Variants in ARID1B observed in about 807,000 individuals in gnomAD.
ARID1B encodes AT-rich interaction domain 1B.
A neutral mutation model predicts 212.3 loss-of-function variants in ARID1B; 30 were observed. That is an observed-to-expected ratio of 0.14 (90% CI 0.11 to 0.19). The LOEUF is 0.19. Among genes scored for constraint, ARID1B ranks in the 10% least tolerant of loss-of-function variants. ARID1B has a pLI of 1.00. For synonymous variants in ARID1B, 1,402 were observed against 1,301.7 expected, an observed-to-expected ratio of 1.08 and a Z score of -1.66; for missense variants, 2,891 against 3,204.0, an observed-to-expected ratio of 0.90 and a Z score of 2.36.
intron 4 of ARID1B, chr6:156,940,386 A>G (rs1792576960): frequency 6.6e-6 from 1 of 152,262 alleles, no homozygotes; most frequent in African/African-American, 2.4e-5. Context: ...TGTGTTGAAT[A>G]GTGCTTATGG....
intron 4 of ARID1B, among the ~76,000 whole-genome samples, chr6:156,991,559 A>G (rs1027449413): frequency 1.3e-5 from 2 of 152,164 alleles, no homozygotes; most frequent in African/African-American, 4.8e-5. Flanking sequence ...AGGATTGTCT[A>G]TGTTATTGTA....
chr6:157,132,340 G>A (rs567769650), intron 6 of ARID1B, among the ~76,000 whole-genome samples: 2 of 152,302 alleles, frequency 1.3e-5, no homozygotes, highest in African/African-American at 2.4e-5. Flanking sequence ...CAGTTACAGA[G>A]GTAGATAAGT....
Position 156,796,769 on chromosome 6 carries a change from C to T in ARID1B, c.1791+17298C>T, listed in dbSNP as rs962355062. 3.3e-5 allele frequency among the ~76,000 whole-genome samples: 5 copies of T among 152,140 alleles called. No homozygotes were observed. The South Asian group carries it at 8.3e-4, about 25-fold the overall frequency. On this transcript the variant is annotated intron_variant, in intron 1 of 19. Transcript: ENST00000636930. Reference sequence around the variant, plus strand: ...GAGAAGTTCGTCATGCAGCTGTGGGCGCAGGCTAGTGTGTGGGGCTGGGGG... The same window carrying T: ...GAGAAGTTCGTCATGCAGCTGTGGGTGCAGGCTAGTGTGTGGGGCTGGGGG...
intron 3 of ARID1B, among the ~76,000 whole-genome samples, chr6:156,921,650 C>G (rs1052105688): frequency 6.6e-5 from 10 of 152,098 alleles, no homozygotes; most frequent in Non-Finnish European, 1.2e-4. Flanking sequence ...AGTCTGTACT[C>G]TTAGAGTGGG....
chr6:156,802,081 C>G (rs146112288), intron 1 of ARID1B, among the ~76,000 whole-genome samples: 4 of 152,196 alleles, frequency 2.6e-5, no homozygotes, highest in Non-Finnish European at 4.4e-5. Context: ...AATGTGTAAA[C>G]GGCACCTTTC....
intron 2 of ARID1B, among the ~76,000 whole-genome samples, chr6:156,897,215 G>GCTTCTTCTTCTTCTTCTT (rs1297724982): frequency 2.6e-4 from 20 of 76,126 alleles, no homozygotes; most frequent in South Asian, 1.5e-3. Context: ...TGCTGCTGCT[G>GCTTCTTCTTCTTCTTCTT]CTGCTTCTTC....
intron 6 of ARID1B, among the ~76,000 whole-genome samples, chr6:157,124,595 G>GT (rs961577548): frequency 3.9e-5 from 6 of 152,148 alleles, no homozygotes; most frequent in African/African-American, 1.4e-4. Flanking sequence ...ACACCATCTT[G>GT]TTTTTTAAGC....
At chr6:157,161,421 T>TTGTGTGTGTGTGTGTG (rs527696446) in intron 8 of ARID1B, among the ~76,000 whole-genome samples, 29 of 135,816 alleles carry the variant, frequency 2.1e-4, no homozygotes, top group African/African-American at 8.2e-4. Context: ...TCTGTTTTGA[T>TTGTGTGTGTGTGTGTG]TGTGTGTGTG....
intron 4 of ARID1B, among the ~76,000 whole-genome samples, chr6:156,961,581 A>G (rs1353963781): frequency 5.9e-5 from 9 of 151,882 alleles, no homozygotes; most frequent in East Asian, 1.9e-4. Context: ...TCTCCACTCA[A>G]GTGTCTTCTT....
At chr6:157,098,871 A>C (rs1391601781) in intron 5 of ARID1B, among the ~76,000 whole-genome samples, 2 of 152,286 alleles carry the variant, frequency 1.3e-5, no homozygotes, top group African/African-American at 4.8e-5. Context: ...ATATTCCCAC[A>C]CCTTTCAGGC....
intron 1 of ARID1B, among the ~76,000 whole-genome samples, chr6:156,785,976 A>G (rs1306947600): frequency 6.6e-6 from 1 of 152,166 alleles, no homozygotes; most frequent in Admixed American, 6.5e-5. Flanking sequence ...ATGTTATTAA[A>G]ATTTTGAAAA....
At chr6:156,914,161 C>T (rs1194449704) in intron 3 of ARID1B, among the ~76,000 whole-genome samples, 25 of 150,644 alleles carry the variant, frequency 1.7e-4, no homozygotes, top group African/African-American at 6.1e-4. Flanking sequence ...GCCACCCCAG[C>T]CTGTGGTGCC....
At chr6:156,944,963 C>T (rs1395120456) in intron 4 of ARID1B, among the ~76,000 whole-genome samples, 1 of 148,912 alleles carries the variant, frequency 6.7e-6, no homozygotes, top group African/African-American at 2.5e-5. Flanking sequence ...CGCTGTGTCG[C>T]CCAGGCTGGA....
At chr6:156,996,883 A>G (rs533698877) in intron 4 of ARID1B, among the ~76,000 whole-genome samples, 77 of 152,314 alleles carry the variant, frequency 5.1e-4, no homozygotes, top group Non-Finnish European at 8.4e-4. Flanking sequence ...TGAATTGTTC[A>G]TGTTAGTAGA....
At chr6:156,868,978 T>G (rs1263998580) in intron 2 of ARID1B, among the ~76,000 whole-genome samples, 1 of 152,196 alleles carries the variant, frequency 6.6e-6, no homozygotes, top group Non-Finnish European at 1.5e-5. Context: ...GGTATGTAAT[T>G]TTAAGTGAGT....
chr6:156,996,403 A>G (rs1463381348), intron 4 of ARID1B, among the ~76,000 whole-genome samples: 1 of 152,168 alleles, frequency 6.6e-6, no homozygotes, highest in East Asian at 1.9e-4. Context: ...TCAACAACCT[A>G]CCACCTTCAT....
Position 156,778,869 on chromosome 6 carries a change from G to A in ARID1B, c.1189G>A (p.Gly397Ser). Residue 397 changes from glycine to serine, a missense_variant, in exon 1 of 20, where the codon GGC (glycine) becomes AGC (serine). Transcript: ENST00000636930. ...CGCGGGCGGCGGCGGCGGCGGCGGC[G>A]GCGGAGGAGGAGGAGGCAGCGGAGG... ...PGAGGGGGGG[G>S]GGGGGSGGGG... The A allele has an allele frequency of 7.2e-7, 1 of 1,392,656 alleles. No homozygotes were observed. Among genetic ancestry groups the A allele is most frequent in the South Asian group, 1.6e-5 (1 of 63,092 alleles). The allele number at this position is 1,392,656 out of a possible 1,614,324, so 86.3% of individuals were successfully genotyped here. A position where few individuals can be genotyped will look rare whatever the true frequency, so the allele number is the denominator to read the frequency against.
chr6:157,028,135 C>T (rs1192296040), intron 4 of ARID1B, among the ~76,000 whole-genome samples: 1 of 142,386 alleles, frequency 7.0e-6, no homozygotes, highest in Non-Finnish European at 1.5e-5. Flanking sequence ...GAATTATGAC[C>T]AAATTATATC....
chr6:157,190,903 G>C lies in ARID1B; in HGVS notation c.4231+693G>C, dbSNP rs1793315966. ...CGGGAGGGAAGGGCCCTGAGGACCTGTCATGGGGGTGGTGGTGGGAATGAG... is the reference window on the plus strand; with the variant it reads ...CGGGAGGGAAGGGCCCTGAGGACCTCTCATGGGGGTGGTGGTGGGAATGAG... On this transcript the variant is annotated intron_variant, in intron 15 of 19. Coordinates refer to ENST00000636930, the MANE Select transcript of ARID1B (RefSeq NM_001374828.1). The surrounding 1 kb of genome is among the most constrained non-coding windows in gnomAD (Gnocchi z 4.6). 6.6e-6 allele frequency among the ~76,000 whole-genome samples: 1 copy of C among 150,560 alleles called. No homozygotes were observed. Among genetic ancestry groups the C allele is most frequent in the Non-Finnish European group, 1.5e-5 (1 of 67,662 alleles).
Sources: allele counts gnomAD v4.1 joint callset (sites outside exome capture counted in the v4.1 genomes callset), GRCh38; gene constraint gnomAD v4.1.1; non-coding constraint Gnocchi (gnomAD v3.1); transcripts MANE v1.5; gene names NCBI Gene and HGNC (gene_info 2026-07-23, HGNC 2026-07-21).